RBFOX1: variants seen among roughly 807,000 people sequenced by gnomAD.
RBFOX1 encodes the protein RNA binding fox-1 homolog 1, also known as RNA binding protein fox-1 homolog 1.
RBFOX1 carries 8 observed loss-of-function variants against 57.7 expected under a neutral mutation model. That is an observed-to-expected ratio of 0.14 (90% CI 0.08 to 0.25). RBFOX1 has a LOEUF of 0.25. RBFOX1 is among the 10% of genes least tolerant of loss of function. The probability of loss-of-function intolerance (pLI) is 1.00; values close to 1 mark genes in which losing one functional copy is unlikely to be tolerated. For missense variants in RBFOX1, 611 were observed against 548.5 expected, an observed-to-expected ratio of 1.11 and a Z score of -1.14; for synonymous variants, 326 against 222.4, an observed-to-expected ratio of 1.47 and a Z score of -4.15.
intron 4 of RBFOX1, among the ~76,000 whole-genome samples, chr16:7,296,583 C>T (rs1188883106): frequency 7.9e-5 from 12 of 152,134 alleles, no homozygotes; most frequent in Non-Finnish European, 1.8e-4. Flanking sequence ...CGATAGCTTG[C>T]AAGTAGCAGA....
chr16:6,755,885 G>T (rs1297468293), intron 3 of RBFOX1, among the ~76,000 whole-genome samples: 3 of 152,074 alleles, frequency 2.0e-5, no homozygotes, highest in Non-Finnish European at 1.5e-5. Context: ...AGAATGTATT[G>T]CTGAAAACTG....
At chr16:7,021,790 G>A (rs1483940354) in intron 3 of RBFOX1, among the ~76,000 whole-genome samples, 1 of 150,820 alleles carries the variant, frequency 6.6e-6, no homozygotes, top group African/African-American at 2.4e-5. Flanking sequence ...TATATACCAG[G>A]CATGCTTGAA....
chr16:6,825,819 A>G (rs768524644), intron 3 of RBFOX1, among the ~76,000 whole-genome samples: 4 of 152,326 alleles, frequency 2.6e-5, no homozygotes, highest in Non-Finnish European at 5.9e-5. Flanking sequence ...GCGATCCTGC[A>G]CAGGAACTTG....
intron 3 of RBFOX1, among the ~76,000 whole-genome samples, chr16:5,811,757 C>A (rs746212084): frequency 6.6e-6 from 1 of 152,146 alleles, no homozygotes; most frequent in Admixed American, 6.6e-5. Context: ...CCAGGACAAA[C>A]TATTTTTAAG....
Position 5,577,229 on chromosome 16 carries a change from C to T in RBFOX1, c.259-21673C>T, listed in dbSNP as rs76270053. 4.6e-3 allele frequency among the ~76,000 whole-genome samples: 700 copies of T among 152,260 alleles called. 3 individuals carry two copies. Among genetic ancestry groups the T allele is most frequent in the African/African-American group, 0.015 (621 of 41,560 alleles). ...GACAGCAGTGTAATTACTTTTGCAA[C>T]GATCTAAGAACAAGCAGACTCCGGG... On this transcript the variant is annotated intron_variant, in intron 2 of 2. Coordinates refer to the RBFOX1 transcript ENST00000585867.
chr16:6,793,012 G>C (rs2154250002), intron 3 of RBFOX1, among the ~76,000 whole-genome samples: 1 of 147,736 alleles, frequency 6.8e-6, no homozygotes, highest in South Asian at 2.2e-4. Flanking sequence ...CTGGGCGACA[G>C]AGTGAGACTC....
intron 3 of RBFOX1, among the ~76,000 whole-genome samples, chr16:6,813,596 C>G (rs901056954): frequency 2.6e-5 from 4 of 152,196 alleles, no homozygotes; most frequent in Admixed American, 6.5e-5. Context: ...CCAAACCTCT[C>G]TCTCCACAGG....
chr16:6,717,405 C>G lies in RBFOX1; in HGVS notation c.-16+62755C>G, dbSNP rs190627812. Reference sequence around the variant, plus strand: ...GCATCTTCCTACAGAGTCTTTTCTACTACAGCATAAGAAACTTGAGAGCAG... The same window carrying G: ...GCATCTTCCTACAGAGTCTTTTCTAGTACAGCATAAGAAACTTGAGAGCAG... On this transcript the variant is annotated intron_variant, in intron 3 of 15. Transcript: ENST00000550418. Among the ~76,000 whole-genome samples the G allele has an allele frequency of 1.8e-4, 27 of 152,230 alleles. 1 individual carries two copies. The Middle Eastern group carries it at 0.01, about 58-fold the overall frequency.
chr16:7,400,315 T>C (rs2098219593), intron 4 of RBFOX1, among the ~76,000 whole-genome samples: 1 of 152,128 alleles, frequency 6.6e-6, no homozygotes, highest in Non-Finnish European at 1.5e-5. Context: ...AATAACTGCA[T>C]TATGCAATTC....
chr16:7,292,290 T>C (rs892037094), intron 4 of RBFOX1, among the ~76,000 whole-genome samples: 1 of 129,770 alleles, frequency 7.7e-6, no homozygotes, highest in East Asian at 2.1e-4. Context: ...TCATATATCA[T>C]ATATGATATA....
chr16:7,299,713 C>T (rs1299130773), intron 4 of RBFOX1, among the ~76,000 whole-genome samples: 1 of 152,124 alleles, frequency 6.6e-6, no homozygotes, highest in African/African-American at 2.4e-5. Context: ...GGGGTTGAGA[C>T]ATTCTAGAGG....
intron 3 of RBFOX1, among the ~76,000 whole-genome samples, chr16:6,864,268 G>C (rs187578214): frequency 6.6e-6 from 1 of 151,878 alleles, no homozygotes; most frequent in Admixed American, 6.6e-5. Context: ...ATTTAGACAC[G>C]TTCAAAAATA....
intron 4 of RBFOX1, among the ~76,000 whole-genome samples, chr16:7,412,011 A>G (rs1244189708): frequency 6.6e-6 from 1 of 152,012 alleles, no homozygotes; most frequent in African/African-American, 2.4e-5. Flanking sequence ...CTCAGATGGG[A>G]TCCTGGAGCC....
intron 2 of RBFOX1, among the ~76,000 whole-genome samples, chr16:6,446,926 C>A (rs11862743): frequency 6.6e-6 from 1 of 151,798 alleles, no homozygotes; most frequent in Non-Finnish European, 1.5e-5. Flanking sequence ...AGGTGAGGAG[C>A]CTCTGTCTAG....
intron 2 of RBFOX1, among the ~76,000 whole-genome samples, chr16:5,515,627 C>T (rs190222930): frequency 8.5e-5 from 13 of 152,248 alleles, no homozygotes; most frequent in Admixed American, 2.6e-4. Context: ...AATTTGGGTA[C>T]GGTTGAAGTA....
chr16:6,399,686 G>C (rs1209827509), intron 2 of RBFOX1, among the ~76,000 whole-genome samples: 1 of 152,136 alleles, frequency 6.6e-6, no homozygotes, highest in East Asian at 1.9e-4. Flanking sequence ...CTTTACAGCA[G>C]TGCACTCCAC....
At chr16:5,864,444 G>C (rs1014517780) in intron 3 of RBFOX1, among the ~76,000 whole-genome samples, 3 of 151,964 alleles carry the variant, frequency 2.0e-5, no homozygotes, top group Non-Finnish European at 4.4e-5. Context: ...TTGCTCAGGA[G>C]TAAACCTTTT....
At chr16:5,573,308 C>G (rs1226055233) in intron 2 of RBFOX1, among the ~76,000 whole-genome samples, 1 of 152,144 alleles carries the variant, frequency 6.6e-6, no homozygotes, top group Non-Finnish European at 1.5e-5. Flanking sequence ...GAGGTGAAGG[C>G]CACAAAGGTG....
chr16:6,607,245 T>A (rs570042697), intron 2 of RBFOX1, among the ~76,000 whole-genome samples: 1 of 152,274 alleles, frequency 6.6e-6, no homozygotes, highest in Non-Finnish European at 1.5e-5. Context: ...TTGAACCATC[T>A]TGGAACAATT....
Sources: gnomAD v4.1 joint callset for allele counts (sites outside exome capture counted in the v4.1 genomes callset) on GRCh38, gnomAD v4.1.1 for gene constraint, MANE v1.5 for transcripts, NCBI Gene and HGNC (gene_info 2026-07-23, HGNC 2026-07-21) for gene names.